The following CTNNA2 variants were observed in gnomAD, a reference collection of about 807,000 sequenced individuals.
CTNNA2 encodes the protein catenin alpha 2, also known as catenin alpha-2.
CTNNA2 carries 42 observed loss-of-function variants against 101.0 expected under a neutral mutation model. The observed-to-expected ratio is 0.42, with a 90% confidence interval of 0.32 to 0.54. CTNNA2 has a LOEUF of 0.54. CTNNA2 is among the 20% of genes least tolerant of loss of function. CTNNA2 has a pLI of 0.14. For missense variants in CTNNA2, 871 were observed against 1,223.1 expected (o/e 0.71, Z 4.29); for synonymous variants, 450 against 456.4 (o/e 0.99, Z 0.18).
At chr2:79,210,254 C>A (rs1448450352) in intron 2 of CTNNA2, among the ~76,000 whole-genome samples, 1 of 151,756 alleles carries the variant, frequency 6.6e-6, no homozygotes, top group Non-Finnish European at 1.5e-5. Flanking sequence ...TAGTAAGAGA[C>A]TTTTTTCTTA....
intron 1 of CTNNA2, among the ~76,000 whole-genome samples, chr2:79,600,003 C>G (rs1677446760): frequency 6.6e-6 from 1 of 152,172 alleles, no homozygotes; most frequent in South Asian, 2.1e-4. Flanking sequence ...CTCCACATAT[C>G]TGAAGAGTCA....
chr2:79,252,555 TTCCCAGG>T (rs1392338736), intron 2 of CTNNA2, among the ~76,000 whole-genome samples: 16 of 152,302 alleles, frequency 1.1e-4, no homozygotes, highest in African/African-American at 2.9e-4. Flanking sequence ...CTTAGCCAAT[TTCCCAGG>T]ACCATTTCCT....
chr2:80,459,961 G>T (rs199791377), intron 9 of CTNNA2, among the ~76,000 whole-genome samples: 4 of 152,026 alleles, frequency 2.6e-5, no homozygotes, highest in East Asian at 3.9e-4. Flanking sequence ...ATAAACCTGT[G>T]GGGGGCACTG....
At chr2:79,419,205 C>T (rs1190846146) in intron 4 of CTNNA2, among the ~76,000 whole-genome samples, 3 of 151,960 alleles carry the variant, frequency 2.0e-5, no homozygotes, top group Non-Finnish European at 4.4e-5. Context: ...TTTATTTTAT[C>T]CATCACAGAC....
chr2:80,167,811 C>T (rs751491639), intron 7 of CTNNA2, among the ~76,000 whole-genome samples: 2 of 152,046 alleles, frequency 1.3e-5, no homozygotes, highest in Admixed American at 6.5e-5. Context: ...CCATTCAGCT[C>T]TTAGAGGGAA....
chr2:79,294,893 GA>G (rs1675938299), intron 2 of CTNNA2, among the ~76,000 whole-genome samples: 1 of 151,870 alleles, frequency 6.6e-6, no homozygotes, highest in Non-Finnish European at 1.5e-5. Flanking sequence ...TACTGATTTT[GA>G]TCTTATCTGC....
At chr2:80,429,421 G>A (rs1681285844) in intron 9 of CTNNA2, among the ~76,000 whole-genome samples, 1 of 152,082 alleles carries the variant, frequency 6.6e-6, no homozygotes, top group Non-Finnish European at 1.5e-5. Context: ...GCATAAGCCC[G>A]AGTATCCCAG....
At chr2:80,154,414 G>A (rs1442210949) in intron 7 of CTNNA2, among the ~76,000 whole-genome samples, 1 of 152,164 alleles carries the variant, frequency 6.6e-6, no homozygotes, top group East Asian at 1.9e-4. Flanking sequence ...TTATCACGGT[G>A]TGGGTTTCCA....
chr2:79,670,986 GA>G (rs1682797287), intron 2 of CTNNA2, among the ~76,000 whole-genome samples: 1 of 152,122 alleles, frequency 6.6e-6, no homozygotes, highest in South Asian at 2.1e-4. Flanking sequence ...CTGAAAATTG[GA>G]ATATGTGTAA....
intron 2 of CTNNA2, among the ~76,000 whole-genome samples, chr2:79,227,957 G>T (rs144211423): frequency 2.0e-5 from 3 of 152,026 alleles, no homozygotes; most frequent in Admixed American, 6.6e-5. Context: ...TTACAATCAC[G>T]TACATTCAAT....
Position 79,953,554 on chromosome 2 carries a change from G to A in CTNNA2, c.1056+43757G>A, listed in dbSNP as rs193237042. Reference sequence around the variant, plus strand: ...GGTAGATTGTCAAAATTTCACCCTCGCTCCAGCACTTTTCTAAGTCCACTG... The same window carrying A: ...GGTAGATTGTCAAAATTTCACCCTCACTCCAGCACTTTTCTAAGTCCACTG... On this transcript the variant is annotated intron_variant, in intron 7 of 18. Coordinates refer to ENST00000402739, the MANE Select transcript of CTNNA2 (RefSeq NM_001282597.3). 3.0e-3 allele frequency among the ~76,000 whole-genome samples: 452 copies of A among 152,228 alleles called. 9 individuals carry two copies. Among genetic ancestry groups the A allele is most frequent in the Non-Finnish European group, 2.4e-3 (162 of 68,010 alleles).
chr2:80,629,278 C>T (rs1000251341), intron 18 of CTNNA2, among the ~76,000 whole-genome samples: 1 of 152,074 alleles, frequency 6.6e-6, no homozygotes, highest in South Asian at 2.1e-4. Context: ...AGATTGCATT[C>T]TTTTGTCACT....
chr2:80,535,075 A>G (rs1160218364), intron 9 of CTNNA2, among the ~76,000 whole-genome samples: 2 of 152,212 alleles, frequency 1.3e-5, no homozygotes, highest in Admixed American at 1.3e-4. Flanking sequence ...TTATAACTTG[A>G]GAATTGTAAC....
In CTNNA2 at chr2:80,589,365, T is replaced by C; in HGVS notation, c.2069T>C (p.Phe690Ser). ...AAAATAGCTGAGCAGGTGGAGATAT[T>C]CCATCAAGAGAAAAGCAAGCTGGAT... ...KAKIAEQVEIFHQEKSKLDAE... is the reference protein window; with the variant it reads ...KAKIAEQVEISHQEKSKLDAE... Residue 690 changes from phenylalanine to serine, a missense_variant, in exon 15 of 19, where the codon TTC (phenylalanine) becomes TCC (serine). Physicochemically the swap from Phe to Ser is radical, Grantham distance 155. Transcript: ENST00000402739. The C allele has an allele frequency of 6.2e-7, 1 of 1,614,078 alleles. No homozygotes were observed. The highest frequency in any genetic ancestry group is 8.5e-7 in the Non-Finnish European group (1 of 1,179,978).
At chr2:80,532,724 G>A (rs1690650377) in intron 9 of CTNNA2, among the ~76,000 whole-genome samples, 1 of 152,128 alleles carries the variant, frequency 6.6e-6, no homozygotes, top group African/African-American at 2.4e-5. Context: ...AGGAACTACT[G>A]TTTGGTTTGT....
At chr2:79,677,018 C>T (rs1384705999) in intron 2 of CTNNA2, among the ~76,000 whole-genome samples, 2 of 152,112 alleles carry the variant, frequency 1.3e-5, no homozygotes, top group African/African-American at 4.8e-5. Flanking sequence ...CAACCTCCAC[C>T]TTCTAGGCTC....
At chr2:80,432,164 C>T (rs1681597436) in intron 9 of CTNNA2, among the ~76,000 whole-genome samples, 1 of 152,084 alleles carries the variant, frequency 6.6e-6, no homozygotes, top group Admixed American at 6.5e-5. Context: ...ACACCAGGCC[C>T]TTGAATAACA....
At chr2:79,705,005 C>T (rs561281828) in intron 2 of CTNNA2, among the ~76,000 whole-genome samples, 1 of 152,262 alleles carries the variant, frequency 6.6e-6, no homozygotes. Flanking sequence ...CTCCTCGCCA[C>T]CACTGGGGAC....
At chr2:79,893,528 C>T (rs1200756922) in intron 6 of CTNNA2, among the ~76,000 whole-genome samples, 1 of 152,140 alleles carries the variant, frequency 6.6e-6, no homozygotes, top group Non-Finnish European at 1.5e-5. Context: ...AATTTGGGCT[C>T]CCCAATTTTA....
Sources: gnomAD v4.1 joint callset for allele counts (sites outside exome capture counted in the v4.1 genomes callset) on GRCh38, gnomAD v4.1.1 for gene constraint, MANE v1.5 for transcripts, NCBI Gene and HGNC (gene_info 2026-07-23, HGNC 2026-07-21) for gene names.